The following CELF4 variants were observed in gnomAD, a reference collection of about 807,000 sequenced individuals.
CELF4 encodes CUG-BP- and ETR-3-like factor 4.
CELF4 carries 18 observed loss-of-function variants against 59.9 expected under a neutral mutation model. The ratio of observed to expected loss-of-function variants is 0.30; its 90% CI spans 0.21 to 0.45. The LOEUF is 0.45. Among genes scored for constraint, CELF4 ranks in the 20% least tolerant of loss-of-function variants. The probability of loss-of-function intolerance (pLI) is 1.00; values close to 1 mark genes in which losing one functional copy is unlikely to be tolerated. For synonymous variants in CELF4, 261 were observed against 267.1 expected, an observed-to-expected ratio of 0.98 and a Z score of 0.22; for missense variants, 456 against 689.0, an observed-to-expected ratio of 0.66 and a Z score of 3.79.
At chr18:37,406,154 T>G (rs937036023) in intron 2 of CELF4, among the ~76,000 whole-genome samples, 1 of 151,880 alleles carries the variant, frequency 6.6e-6, no homozygotes, top group Admixed American at 6.6e-5. Flanking sequence ...TTTTTTAAAC[T>G]CCCCTGCAGC....
At chr18:37,375,048 T>C (rs932234721) in intron 2 of CELF4, among the ~76,000 whole-genome samples, 7 of 152,034 alleles carry the variant, frequency 4.6e-5, no homozygotes, top group African/African-American at 7.3e-5. Context: ...AGGTTGGGTG[T>C]GTGTATAGGG....
intron 1 of CELF4, among the ~76,000 whole-genome samples, chr18:37,550,681 CTG>C (rs2099982910): frequency 1.3e-5 from 2 of 152,272 alleles, no homozygotes; most frequent in African/African-American, 4.8e-5. Context: ...TCCCTCTCTG[CTG>C]CAGCAGGGGA....
chr18:37,522,160 C>T (rs969595893), intron 1 of CELF4, among the ~76,000 whole-genome samples: 14 of 152,248 alleles, frequency 9.2e-5, no homozygotes, highest in African/African-American at 3.4e-4. Flanking sequence ...CACAGTAATG[C>T]CTCAGTAAAG....
chr18:37,274,285 C>G, intron 6 of CELF4, 26 bp downstream of exon 6: 1 of 1,609,140 alleles, frequency 6.2e-7, no homozygotes, highest in South Asian at 1.1e-5. Flanking sequence ...GCTTGAGAAC[C>G]GCTGCCCGTG....
chr18:37,389,330 C>T (rs950289260), intron 2 of CELF4, among the ~76,000 whole-genome samples: 11 of 152,174 alleles, frequency 7.2e-5, no homozygotes, highest in African/African-American at 1.4e-4. Context: ...GGCAGCCAGT[C>T]GGGCTGCCAA....
chr18:37,503,437 A>C (rs1222856460), intron 1 of CELF4, among the ~76,000 whole-genome samples: 1 of 152,156 alleles, frequency 6.6e-6, no homozygotes, highest in African/African-American at 2.4e-5. Context: ...TCGAGTCACG[A>C]GTGCTGTCCC....
At chr18:37,485,053 C>T (rs1037062089) in intron 2 of CELF4, among the ~76,000 whole-genome samples, 2 of 152,204 alleles carry the variant, frequency 1.3e-5, no homozygotes, top group Non-Finnish European at 2.9e-5. Context: ...TCTTCTCCCC[C>T]GCACAGAAGC....
At chr18:37,511,626 G>T (rs1487006266) in intron 1 of CELF4, among the ~76,000 whole-genome samples, 1 of 151,728 alleles carries the variant, frequency 6.6e-6, no homozygotes. Flanking sequence ...AACAGTGGGA[G>T]CATGGGCTTC....
intron 2 of CELF4, among the ~76,000 whole-genome samples, chr18:37,341,666 G>C (rs566253856): frequency 3.9e-4 from 59 of 152,136 alleles, no homozygotes; most frequent in Admixed American, 3.3e-4. Context: ...CAGAACCTAT[G>C]GGCTGCTGTC....
In CELF4 at chr18:37,349,097, T is replaced by G. The variant is rs112923446; in HGVS notation, c.370-27216A>C. ...GGCCTGGAGAGAGCCCTGGGAAAAG[T>G]CAGGGATGAAGCAGGGGGAGGTGCT... On this transcript the variant is annotated intron_variant, in intron 2 of 12. Transcript: ENST00000420428. 2.6e-5 allele frequency among the ~76,000 whole-genome samples: 4 copies of G among 152,266 alleles called. 1 individual carries two copies. Among genetic ancestry groups the G allele is most frequent in the African/African-American group, 9.6e-5 (4 of 41,558 alleles).
rs534262383 is a variant in CELF4 at position 37,389,014 on chromosome 18, C to T, written c.370-67133G>A. 8.3e-4 allele frequency among the ~76,000 whole-genome samples: 127 copies of T among 152,300 alleles called. 1 individual carries two copies. Among genetic ancestry groups the T allele is most frequent in the African/African-American group, 2.6e-3 (110 of 41,570 alleles). ...CACCACCCAGCACCTCATGAACAGACTGGGGTCCTGCCCTGGTGAAACAGG... is the reference window on the plus strand; with the variant it reads ...CACCACCCAGCACCTCATGAACAGATTGGGGTCCTGCCCTGGTGAAACAGG... On this transcript the variant is annotated intron_variant, in intron 2 of 12. Coordinates refer to ENST00000420428, the MANE Select transcript of CELF4 (RefSeq NM_020180.4).
chr18:37,321,953 T>C (rs779355051), intron 2 of CELF4, 72 bp from the exon 3 acceptor site: 14 of 1,262,726 alleles, frequency 1.1e-5, no homozygotes, highest in Non-Finnish European at 1.6e-5. Context: ...AGCACTCAGG[T>C]GCACAGGTGA....
At chr18:37,499,590 C>A (rs183151927) in intron 1 of CELF4, among the ~76,000 whole-genome samples, 2 of 152,178 alleles carry the variant, frequency 1.3e-5, no homozygotes, top group African/African-American at 4.8e-5. Context: ...ACTTCTCAAG[C>A]GGACCCTGTG....
chr18:37,558,565 T>TGG lies in CELF4; in HGVS notation c.286+6789_286+6790dup, dbSNP rs372382156. Among the ~76,000 whole-genome samples the TGG allele has an allele frequency of 2.0e-3, 152 of 77,570 alleles. 1 individual carries two copies. Among genetic ancestry groups the TGG allele is most frequent in the African/African-American group, 5.5e-3 (97 of 17,570 alleles). 50.9% of individuals were successfully genotyped at this position (77,570 alleles called of 152,430 possible). A position where few individuals can be genotyped will look rare whatever the true frequency, so the allele number is the denominator to read the frequency against. Reference sequence around the variant, plus strand: ...CTTCAGTGAAATTGTGGGGGGCGGGTGGGGGGGGCTCTGTTCTACTCCCCT... The same window carrying TGG: ...CTTCAGTGAAATTGTGGGGGGCGGGTGGGGGGGGGGCTCTGTTCTACTCCCCT... On this transcript the variant is annotated intron_variant, in intron 1 of 12. Coordinates refer to ENST00000420428, the MANE Select transcript of CELF4 (RefSeq NM_020180.4).
At chr18:37,350,281 A>G (rs530526338) in intron 2 of CELF4, among the ~76,000 whole-genome samples, 6 of 152,278 alleles carry the variant, frequency 3.9e-5, no homozygotes, top group African/African-American at 1.4e-4. Flanking sequence ...ACATGACTTG[A>G]CTATCCAGAA....
chr18:37,414,915 C>T (rs1255299046), intron 2 of CELF4, among the ~76,000 whole-genome samples: 1 of 152,190 alleles, frequency 6.6e-6, no homozygotes. Context: ...TATCCATCTC[C>T]CCACTCATCC....
intron 1 of CELF4, among the ~76,000 whole-genome samples, chr18:37,546,001 T>C (rs1176653884): frequency 1.3e-5 from 2 of 152,008 alleles, no homozygotes; most frequent in Admixed American, 6.5e-5. Flanking sequence ...TGTGGAGCCC[T>C]TTCTCCCCAC....
At chr18:37,560,510 GTT>G (rs1286143878) in intron 1 of CELF4, among the ~76,000 whole-genome samples, 2 of 152,042 alleles carry the variant, frequency 1.3e-5, no homozygotes, top group African/African-American at 4.8e-5. Context: ...GGTGAAACCT[GTT>G]TTTTTAAAAA....
intron 2 of CELF4, among the ~76,000 whole-genome samples, chr18:37,436,706 G>A (rs1941950): frequency 0.36 from 54,112 of 151,998 alleles, 10,241 homozygotes; most frequent in East Asian, 0.61. Context: ...CCCTTTGAAG[G>A]GATGGTCAGA....
Sources: allele counts gnomAD v4.1 joint callset (sites outside exome capture counted in the v4.1 genomes callset), GRCh38; gene constraint gnomAD v4.1.1; transcripts MANE v1.5; gene names NCBI Gene and HGNC (gene_info 2026-07-23, HGNC 2026-07-21).